The following ELP3 variants were observed in gnomAD, a reference collection of about 807,000 sequenced individuals.
The protein encoded by ELP3 is elongator acetyltransferase complex subunit 3, also known as elongator complex protein 3.
A neutral mutation model predicts 74.9 loss-of-function variants in ELP3; 56 were observed. The observed-to-expected ratio is 0.75, with a 90% CI of 0.60 to 0.93. The LOEUF is 0.93. Among genes scored for constraint, ELP3 ranks in the 40% least tolerant of loss-of-function variants. ELP3 has a pLI of 0.00. For synonymous variants in ELP3, 222 were observed against 239.8 expected (o/e 0.93, Z 0.68); for missense variants, 573 against 686.5 (o/e 0.83, Z 1.85).
At chr8:28,141,024 A>G (rs73668159) in intron 10 of ELP3, among the ~76,000 whole-genome samples, 4,230 of 152,334 alleles carry the variant, frequency 0.028, 215 homozygotes, top group African/African-American at 0.097. Context: ...GCAATTACTC[A>G]GTATACAGTG....
At position 28,132,280 on chromosome 8, in the gene ELP3, G is replaced by T; in HGVS notation, c.782G>T (p.Gly261Val). ...YEDVARDTNRGHTVKAVCESF... is the reference protein window; with the variant it reads ...YEDVARDTNRVHTVKAVCESF... ...AGGTAGTGATTTTCTTTCCTTAGGG[G>T]CCACACTGTGAAGGCAGTGTGTGAG... Residue 261 changes from glycine to valine, a missense_variant and splice_region_variant, in exon 9 of 15, where the codon GGC becomes GTC. By Grantham distance (109) the Gly-to-Val change is moderately radical. Coordinates refer to ENST00000256398, the MANE Select transcript of ELP3 (RefSeq NM_018091.6). 1.9e-6 allele frequency: 3 copies of T among 1,613,984 alleles called. No individual in the cohort carries two copies. The highest frequency in any genetic ancestry group is 2.5e-6 in the Non-Finnish European group (3 of 1,179,914).
At chr8:28,160,574 C>A in intron 13 of ELP3, 118 bp downstream of exon 13, 1 of 849,602 alleles carries the variant, frequency 1.2e-6, no homozygotes, top group Non-Finnish European at 1.8e-6. Flanking sequence ...GAAAGAGAAG[C>A]ATAGAAACAG....
chr8:28,125,115 C>T (rs528037644), intron 7 of ELP3, among the ~76,000 whole-genome samples: 1 of 152,288 alleles, frequency 6.6e-6, no homozygotes, highest in East Asian at 1.9e-4. Flanking sequence ...GGAATTTGTT[C>T]ATGGTGCTGC....
At chr8:28,133,233 A>T (rs1812848222) in intron 9 of ELP3, among the ~76,000 whole-genome samples, 1 of 152,048 alleles carries the variant, frequency 6.6e-6, no homozygotes, top group African/African-American at 2.4e-5. Flanking sequence ...CATTTCTTTC[A>T]TCTTTTTGGA....
chr8:28,123,860 C>A lies in ELP3; in HGVS notation c.618-5642C>A, dbSNP rs1240313421. Among the ~76,000 whole-genome samples the A allele has an allele frequency of 2.0e-5, 3 of 152,052 alleles. No individual in the cohort carries two copies. In the South Asian group the frequency reaches 6.2e-4, roughly 31 times the overall value. On this transcript the variant is annotated intron_variant, in intron 7 of 14. Coordinates refer to ENST00000256398, the MANE Select transcript of ELP3 (RefSeq NM_018091.6). ...GCTTACTGTTTGCCCTGTGTATTAT[C>A]CTTTTCCATACATTTGCTTTCCACC...
At position 28,113,163 on chromosome 8, in the gene ELP3, G is replaced by A. The variant is rs141040033; in HGVS notation, c.607G>A (p.Glu203Lys). The change falls in exon 7 of 15, where the codon GAG (glutamate) becomes AAG (lysine). Residue 203 changes from glutamate (E) to lysine (K), a missense_variant. Physicochemically the swap from Glu to Lys is moderately conservative, Grantham distance 56 (BLOSUM62 1). Coordinates refer to ENST00000256398, the MANE Select transcript of ELP3 (RefSeq NM_018091.6). The part of the protein sequence containing the change: ...LSGHTSNNIY[E>K]AVKYSERSLT... ...AGGACATACTTCCAACAATATTTAC[G>A]AGGCAGTCAAGTAAGAAATTCTTAT... 12 of 1,612,342 alleles carry A rather than the reference G, an allele frequency of 7.4e-6. No homozygotes were observed. The highest frequency in any genetic ancestry group is 1.1e-5 in the South Asian group (1 of 90,830).
chr8:28,105,918 C>T (rs1487957312), intron 3 of ELP3, among the ~76,000 whole-genome samples: 1 of 152,218 alleles, frequency 6.6e-6, no homozygotes, highest in East Asian at 1.9e-4. Context: ...TATTTACACC[C>T]AGACCCTGAA....
At chr8:28,174,615 C>T (rs1249424665) in intron 14 of ELP3, among the ~76,000 whole-genome samples, 1 of 152,044 alleles carries the variant, frequency 6.6e-6, no homozygotes, top group Non-Finnish European at 1.5e-5. Flanking sequence ...TTAACCTAGA[C>T]TTAAAATTAT....
chr8:28,100,083 T>G (rs1327963082), intron 3 of ELP3, 117 bp downstream of exon 3: 1 of 1,300,902 alleles, frequency 7.7e-7, no homozygotes, highest in Non-Finnish European at 1.1e-6. Context: ...ACTAATGAAG[T>G]CCCTGTATTA....
chr8:28,125,754 T>C (rs1688577680), intron 7 of ELP3, among the ~76,000 whole-genome samples: 1 of 134,480 alleles, frequency 7.4e-6, no homozygotes, highest in Non-Finnish European at 1.5e-5. Flanking sequence ...TCTGTAGTCA[T>C]TTCTCTTTTT....
chr8:28,120,685 T>A (rs1812332375), intron 7 of ELP3, among the ~76,000 whole-genome samples: 1 of 152,230 alleles, frequency 6.6e-6, no homozygotes, highest in Non-Finnish European at 1.5e-5. Flanking sequence ...AGCTTTCACT[T>A]ACAGGTTTAT....
chr8:28,140,391 A>C (rs1813189661), intron 10 of ELP3, among the ~76,000 whole-genome samples: 1 of 152,210 alleles, frequency 6.6e-6, no homozygotes, highest in African/African-American at 2.4e-5. Flanking sequence ...ATAGGAATCC[A>C]CTAGTTTATA....
chr8:28,159,207 T>C (rs938825130), intron 12 of ELP3, among the ~76,000 whole-genome samples: 1 of 152,228 alleles, frequency 6.6e-6, no homozygotes, highest in Admixed American at 6.5e-5. Context: ...TATACTCTTA[T>C]AATGTCTAGC....
chr8:28,188,023 G>A (rs1208952385), intron 14 of ELP3, among the ~76,000 whole-genome samples: 1 of 152,186 alleles, frequency 6.6e-6, no homozygotes, highest in Non-Finnish European at 1.5e-5. Flanking sequence ...AGGAAGGGCA[G>A]CCAGCGAGCT....
intron 3 of ELP3, among the ~76,000 whole-genome samples, chr8:28,102,927 T>G (rs1811548417): frequency 6.6e-6 from 1 of 152,204 alleles, no homozygotes; most frequent in South Asian, 2.1e-4. Flanking sequence ...CCTAGCACTT[T>G]GGGAGGCTGA....
At chr8:28,175,214 A>C (rs766887901) in intron 14 of ELP3, among the ~76,000 whole-genome samples, 2 of 152,134 alleles carry the variant, frequency 1.3e-5, no homozygotes, top group Non-Finnish European at 2.9e-5. Context: ...CCATTTCTTT[A>C]AACATTTTTT....
chr8:28,095,915 C>T (rs985229954), intron 1 of ELP3, among the ~76,000 whole-genome samples: 2 of 152,186 alleles, frequency 1.3e-5, no homozygotes, highest in Non-Finnish European at 2.9e-5. Flanking sequence ...CGGACCAGTA[C>T]CGGTTCATGG....
chr8:28,106,722 G>A lies in ELP3; in HGVS notation c.268G>A (p.Val90Met), dbSNP rs746796082. The A allele has an allele frequency of 6.2e-6, 10 of 1,612,234 alleles. No individual in the cohort carries two copies. Among genetic ancestry groups the A allele is most frequent in the South Asian group, 1.1e-5 (1 of 91,010 alleles). ...CATCTTTCTTTTATAGATTGCTGTC[G>A]TGGCTGTGATGTGCAAACCCCACAG... ...PIRTASGIAV[V>M]AVMCKPHRCP... The change falls in exon 4 of 15, where the codon GTG becomes ATG. Residue 90 changes from valine to methionine, a missense_variant. Val to Met is a conservative substitution (Grantham distance 21). Coordinates refer to ENST00000256398, the MANE Select transcript of ELP3 (RefSeq NM_018091.6).
At chr8:28,110,504 C>G in intron 6 of ELP3, 66 bp downstream of exon 6, 1 of 1,310,756 alleles carries the variant, frequency 7.6e-7, no homozygotes, top group Non-Finnish European at 1.1e-6. Context: ...GCCATTGTTG[C>G]TTGATTCAAA....
Sources: gnomAD v4.1 joint callset for allele counts (sites outside exome capture counted in the v4.1 genomes callset) on GRCh38, gnomAD v4.1.1 for gene constraint, MANE v1.5 for transcripts, NCBI Gene and HGNC (gene_info 2026-07-23, HGNC 2026-07-21) for gene names.